The following PAX5 variants were observed in gnomAD, a reference collection of about 807,000 sequenced individuals.
PAX5 encodes paired box 5.
In PAX5, 9 loss-of-function variants were observed where a neutral mutation model predicts 43.7. The ratio of observed to expected loss-of-function variants is 0.21; its 90% CI spans 0.12 to 0.36. PAX5 has a LOEUF of 0.36. Ranked by LOEUF, PAX5 falls within the 10% of genes least tolerant of loss-of-function variation. The probability of loss-of-function intolerance (pLI) is 1.00; values close to 1 mark genes in which losing one functional copy is unlikely to be tolerated. For missense variants in PAX5, 383 were observed against 532.7 expected (o/e 0.72, Z 2.77); for synonymous variants, 228 against 214.3 (o/e 1.06, Z -0.56).
chr9:36,884,887 C>T (rs1331543519), intron 7 of PAX5, among the ~76,000 whole-genome samples: 4 of 152,242 alleles, frequency 2.6e-5, no homozygotes, highest in Non-Finnish European at 2.9e-5. Flanking sequence ...TCCCAGCCCA[C>T]CAGGATGGCA....
intron 7 of PAX5, among the ~76,000 whole-genome samples, chr9:36,898,173 G>A (rs938370943): frequency 3.3e-5 from 5 of 152,170 alleles, no homozygotes; most frequent in Non-Finnish European, 7.4e-5. Context: ...TAAAACAAAA[G>A]AAAAGAAAGA....
intron 6 of PAX5, among the ~76,000 whole-genome samples, chr9:36,940,014 A>C (rs1454046337): frequency 1.3e-5 from 2 of 152,236 alleles, no homozygotes; most frequent in Non-Finnish European, 2.9e-5. Flanking sequence ...GGAAGGCTGC[A>C]AATCCTGCAA....
At chr9:37,025,731 C>A (rs576801509) in intron 1 of PAX5, among the ~76,000 whole-genome samples, 1 of 152,372 alleles carries the variant, frequency 6.6e-6, no homozygotes, top group Admixed American at 6.5e-5. Flanking sequence ...GCCGGCCTTG[C>A]CCTCGCCCTA....
chr9:36,894,218 C>G lies in PAX5; in HGVS notation c.911-12113G>C, dbSNP rs149543082. 2.1e-3 allele frequency among the ~76,000 whole-genome samples: 318 copies of G among 152,316 alleles called. 4 individuals are homozygous for G. The highest frequency in any genetic ancestry group is 7.0e-3 in the African/African-American group (292 of 41,568). On this transcript the variant is annotated intron_variant, in intron 7 of 9. Coordinates refer to ENST00000358127, the MANE Select transcript of PAX5 (RefSeq NM_016734.3). The stretch of plus-strand genomic sequence containing the variant: ...CGAAACTTGGCGGCCACCCCATGTT[C>G]TCCTGCCCAGGGCTGGCAGTATTCC...
chr9:36,876,332 C>T (rs1461319099), intron 8 of PAX5, among the ~76,000 whole-genome samples: 1 of 152,238 alleles, frequency 6.6e-6, no homozygotes, highest in Non-Finnish European at 1.5e-5. Context: ...GTCCATCAAT[C>T]CATGGCAAGT....
At chr9:37,024,791 G>T (rs937151377) in intron 1 of PAX5, among the ~76,000 whole-genome samples, 1 of 152,236 alleles carries the variant, frequency 6.6e-6, no homozygotes, top group Non-Finnish European at 1.5e-5. Context: ...ATGCTCAGCC[G>T]AGAGACCACC....
At position 36,836,844 on chromosome 9, in the gene PAX5, C is replaced by T. The variant is rs1303378380; in HGVS notation, c.*3716G>A. On this transcript the variant is annotated 3_prime_UTR_variant, in exon 10 of 10. Transcript: ENST00000358127. ...TGGACCCCTGGAGTCAGGGCTGGAC[C>T]CATGTCCAGGCCTGGTCAGGGATTA... 1 of 232,240 alleles carries T rather than the reference C, an allele frequency of 4.3e-6. No homozygotes were observed. The highest frequency in any genetic ancestry group is 6.1e-5 in the East Asian group (1 of 16,500). The allele number at this position is 232,240 out of a possible 1,614,324, so 14.4% of individuals were successfully genotyped here.
intron 9 of PAX5, among the ~76,000 whole-genome samples, chr9:36,840,864 C>T (rs1821992818): frequency 6.6e-6 from 1 of 152,188 alleles, no homozygotes; most frequent in Admixed American, 6.5e-5. Context: ...AGCCTGGGGC[C>T]CTTGGGTCCA....
intron 8 of PAX5, among the ~76,000 whole-genome samples, chr9:36,867,307 G>A (rs930270331): frequency 2.1e-4 from 32 of 152,134 alleles, no homozygotes; most frequent in Non-Finnish European, 4.0e-4. Context: ...AGACCTGCTC[G>A]TGCCACACCC....
In PAX5 at chr9:36,963,046, T is replaced by TG. The variant is rs556197417; in HGVS notation, c.780+3502dup. Among the ~76,000 whole-genome samples, 132 of 152,334 alleles carry TG rather than the reference T, an allele frequency of 8.7e-4. 2 individuals carry two copies. The highest frequency in any genetic ancestry group is 5.2e-3 in the South Asian group (25 of 4,826). ...TCAGGCATCATTTGTCCAAAGTGAT[T>TG]GGGAATCGGGCACGAGGGTATGTCA... is the stretch of plus-strand genomic sequence containing the variant. On this transcript the variant is annotated intron_variant, in intron 6 of 9. Transcript: ENST00000358127.
chr9:36,946,161 G>T (rs1832496250), intron 6 of PAX5, among the ~76,000 whole-genome samples: 1 of 152,074 alleles, frequency 6.6e-6, no homozygotes, highest in Non-Finnish European at 1.5e-5. Flanking sequence ...CCATCAGGAA[G>T]CGACTCCCTG....
At chr9:36,857,484 C>A (rs1036279316) in intron 8 of PAX5, among the ~76,000 whole-genome samples, 18 of 152,216 alleles carry the variant, frequency 1.2e-4, no homozygotes, top group African/African-American at 4.1e-4. Flanking sequence ...TTCTTAGACC[C>A]AAAACTAGAC....
At chr9:36,846,728 A>T in intron 9 of PAX5, 115 bp downstream of exon 9, 1 of 672,242 alleles carries the variant, frequency 1.5e-6, no homozygotes, top group Non-Finnish European at 2.6e-6. Context: ...TGGGCAAGCT[A>T]CCCACCCACC....
intron 6 of PAX5, among the ~76,000 whole-genome samples, chr9:36,942,522 T>C (rs1832133324): frequency 6.6e-6 from 1 of 152,152 alleles, no homozygotes; most frequent in African/African-American, 2.4e-5. Flanking sequence ...TCCCCCTCCA[T>C]GTGCTAGGTG....
intron 8 of PAX5, among the ~76,000 whole-genome samples, chr9:36,858,575 A>G (rs1823886984): frequency 6.6e-6 from 1 of 152,178 alleles, no homozygotes; most frequent in Non-Finnish European, 1.5e-5. Flanking sequence ...AAAATGTTCT[A>G]TGAGGCTTTT....
At chr9:36,864,084 G>A (rs771115825) in intron 8 of PAX5, among the ~76,000 whole-genome samples, 2 of 152,234 alleles carry the variant, frequency 1.3e-5, no homozygotes, top group African/African-American at 2.4e-5. Context: ...ATTCCAGCCT[G>A]GGCATCAGAG....
intron 7 of PAX5, among the ~76,000 whole-genome samples, chr9:36,898,922 G>A (rs771186548): frequency 3.9e-5 from 6 of 152,142 alleles, no homozygotes; most frequent in Middle Eastern, 3.4e-3. Context: ...GACACCCATC[G>A]CCACCGCAGC....
At chr9:36,912,807 C>T (rs996646875) in intron 7 of PAX5, among the ~76,000 whole-genome samples, 5 of 152,258 alleles carry the variant, frequency 3.3e-5, no homozygotes, top group Admixed American at 6.5e-5. Flanking sequence ...TACACTCAGA[C>T]ACCCCTTCGG....
At position 37,034,098 on chromosome 9, in the gene PAX5, C is replaced by CTTTCTTTTTTTTT. The variant is rs1841297179; in HGVS notation, c.-68_-67insAAAAAAAAAGAAA. ...TCCACTTTTTTGTGCCTTTTTTTTT[C>CTTTCTTTTTTTTT]TTTTTTTTTTTTTTTTTTTTTTTTT... On this transcript the variant is annotated 5_prime_UTR_variant, in exon 1 of 10. Transcript: ENST00000358127. 16 of 320,070 alleles carry CTTTCTTTTTTTTT rather than the reference C, an allele frequency of 5.0e-5. No homozygotes were observed. The African/African-American group carries it at 5.2e-4, about 10-fold the overall frequency. 19.8% of individuals were successfully genotyped at this position (320,070 alleles called of 1,614,324 possible).
Sources: allele counts gnomAD v4.1 joint callset (sites outside exome capture counted in the v4.1 genomes callset), GRCh38; gene constraint gnomAD v4.1.1; transcripts MANE v1.5; gene names NCBI Gene and HGNC (gene_info 2026-07-23, HGNC 2026-07-21).